THSD7B: variants seen among roughly 807,000 people sequenced by gnomAD.
THSD7B encodes the protein thrombospondin type 1 domain containing 7B.
THSD7B carries 138 observed loss-of-function variants against 213.6 expected under a neutral mutation model. The ratio of observed to expected loss-of-function variants is 0.65; its 90% CI spans 0.56 to 0.74. The LOEUF (loss-of-function observed/expected upper bound fraction) is 0.74, where lower values mean the gene tolerates loss of function less well. THSD7B is among the 30% of genes least tolerant of loss of function. THSD7B has a pLI of 0.00. For synonymous variants in THSD7B, 742 were observed against 687.0 expected (o/e 1.08, Z -1.25); for missense variants, 1,931 against 1,991.5 (o/e 0.97, Z 0.58).
chr2:136,795,999 C>T (rs1216076398), intron 1 of THSD7B, among the ~76,000 whole-genome samples: 1 of 151,928 alleles, frequency 6.6e-6, no homozygotes. Flanking sequence ...ATATTACATA[C>T]ACACATAATC....
Position 136,884,140 on chromosome 2 carries a change from C to G in THSD7B, c.139+1823C>G, listed in dbSNP as rs202172280. ...GTGTATGAATCACACAGAAGATACA[C>G]ATATAGTTATTAATTAGGTTCTGTT... On this transcript the variant is annotated intron_variant, in intron 2 of 27. Coordinates refer to ENST00000409968, the MANE Select transcript of THSD7B (RefSeq NM_001316349.2). Among the ~76,000 whole-genome samples, 8 of 29,858 alleles carry G rather than the reference C, an allele frequency of 2.7e-4. No homozygotes were observed. In the South Asian group the frequency reaches 0.011, roughly 39 times the overall value. The allele number at this position is 29,858 out of a possible 152,430, so 19.6% of individuals were successfully genotyped here.
intron 12 of THSD7B, among the ~76,000 whole-genome samples, chr2:137,328,292 A>T (rs1428719608): frequency 2.0e-5 from 3 of 152,160 alleles, no homozygotes; most frequent in African/African-American, 7.2e-5. Flanking sequence ...AACAACAAAC[A>T]CATTTATGCA....
At chr2:137,607,659 T>C (rs868815557) in intron 17 of THSD7B, among the ~76,000 whole-genome samples, 16 of 152,206 alleles carry the variant, frequency 1.1e-4, no homozygotes, top group Admixed American at 3.3e-4. Flanking sequence ...AATAACTGAC[T>C]TTTTTGGAGA....
chr2:136,962,401 A>ATTT (rs1685234921), intron 2 of THSD7B, among the ~76,000 whole-genome samples: 3 of 52,390 alleles, frequency 5.7e-5, no homozygotes, highest in African/African-American at 1.6e-4. Flanking sequence ...TAAATCTGTT[A>ATTT]TCTTTTTTTT....
chr2:137,340,336 A>G (rs1210699371), intron 12 of THSD7B, among the ~76,000 whole-genome samples: 1 of 151,912 alleles, frequency 6.6e-6, no homozygotes, highest in Non-Finnish European at 1.5e-5. Flanking sequence ...TTATAAATTG[A>G]TAGTTTATAA....
intron 2 of THSD7B, among the ~76,000 whole-genome samples, chr2:136,910,650 G>A (rs1835314): frequency 0.99 from 149,979 of 152,232 alleles, 73,926 homozygotes; most frequent in East Asian, 1. Flanking sequence ...CTTTGCATAC[G>A]TGAACAATTC....
intron 3 of THSD7B, among the ~76,000 whole-genome samples, chr2:137,063,709 T>C (rs143005645): frequency 1.2e-4 from 18 of 152,174 alleles, no homozygotes; most frequent in Non-Finnish European, 2.1e-4. Flanking sequence ...CCAGCCTCTA[T>C]TCTCTAGCTC....
At chr2:137,004,260 C>T (rs1686059013) in intron 2 of THSD7B, among the ~76,000 whole-genome samples, 1 of 151,312 alleles carries the variant, frequency 6.6e-6, no homozygotes, top group African/African-American at 2.4e-5. Flanking sequence ...TATCCACCTT[C>T]ATCCTCCTTC....
At chr2:137,073,250 G>A (rs900861307) in intron 3 of THSD7B, among the ~76,000 whole-genome samples, 4 of 151,986 alleles carry the variant, frequency 2.6e-5, no homozygotes, top group African/African-American at 9.7e-5. Flanking sequence ...TTTTTTGGTT[G>A]GCAAGCTATT....
chr2:137,614,860 T>C (rs897561636), intron 17 of THSD7B, among the ~76,000 whole-genome samples: 2 of 152,188 alleles, frequency 1.3e-5, no homozygotes, highest in Non-Finnish European at 2.9e-5. Flanking sequence ...CATAATAATT[T>C]TGGTTCATAG....
intron 17 of THSD7B, among the ~76,000 whole-genome samples, chr2:137,598,797 C>A (rs951741052): frequency 2.6e-5 from 4 of 151,978 alleles, no homozygotes; most frequent in Admixed American, 1.3e-4. Context: ...TGATTTGCAA[C>A]CCTTGAAAGA....
At chr2:137,123,344 C>G (rs1473672813) in intron 5 of THSD7B, among the ~76,000 whole-genome samples, 1 of 152,104 alleles carries the variant, frequency 6.6e-6, no homozygotes, top group African/African-American at 2.4e-5. Context: ...CAGGAGGAGG[C>G]CAGGCCACTC....
intron 1 of THSD7B, among the ~76,000 whole-genome samples, chr2:136,788,651 C>T (rs937579494): frequency 6.6e-6 from 1 of 152,042 alleles, no homozygotes; most frequent in Admixed American, 6.6e-5. Context: ...TTTCTTAGAA[C>T]TAAAGCAGGA....
intron 9 of THSD7B, among the ~76,000 whole-genome samples, chr2:137,234,049 A>G (rs1179751376): frequency 6.6e-6 from 1 of 152,132 alleles, no homozygotes; most frequent in African/African-American, 2.4e-5. Context: ...AATGAAACTC[A>G]TTTATTTTCT....
intron 20 of THSD7B, among the ~76,000 whole-genome samples, chr2:137,621,459 C>G (rs1682518885): frequency 6.6e-6 from 1 of 152,132 alleles, no homozygotes; most frequent in Admixed American, 6.5e-5. Context: ...TACACGATCC[C>G]AGAATCCCAG....
At chr2:137,032,781 A>G (rs1461400345) in intron 2 of THSD7B, among the ~76,000 whole-genome samples, 1 of 152,226 alleles carries the variant, frequency 6.6e-6, no homozygotes, top group East Asian at 1.9e-4. Context: ...ATCATTTATA[A>G]TGCATAAAAG....
intron 5 of THSD7B, among the ~76,000 whole-genome samples, chr2:137,116,043 G>A (rs754749720): frequency 1.1e-4 from 17 of 152,298 alleles, no homozygotes; most frequent in Middle Eastern, 3.4e-3. Context: ...TGCCAGGTAC[G>A]AGGACATATT....
At chr2:136,812,234 A>G (rs915042895) in intron 1 of THSD7B, among the ~76,000 whole-genome samples, 3 of 152,192 alleles carry the variant, frequency 2.0e-5, no homozygotes, top group Admixed American at 6.5e-5. Flanking sequence ...CTGCCTAGAA[A>G]TGGCGATTGT....
At chr2:137,555,434 G>C (rs530100687) in intron 15 of THSD7B, among the ~76,000 whole-genome samples, 1 of 152,260 alleles carries the variant, frequency 6.6e-6, no homozygotes, top group South Asian at 2.1e-4. Flanking sequence ...GGCAAACAGG[G>C]CCTGGAGTGG....
Sources: allele counts gnomAD v4.1 joint callset (sites outside exome capture counted in the v4.1 genomes callset), GRCh38; gene constraint gnomAD v4.1.1; transcripts MANE v1.5; gene names NCBI Gene and HGNC (gene_info 2026-07-23, HGNC 2026-07-21).